The following SINHCAF variants were observed in gnomAD, a reference collection of about 807,000 sequenced individuals.
SINHCAF encodes the protein SIN3-HDAC complex associated factor.
A neutral mutation model predicts 25.8 loss-of-function variants in SINHCAF; 3 were observed. The observed-to-expected ratio is 0.12, with a 90% CI of 0.05 to 0.30. The LOEUF (loss-of-function observed/expected upper bound fraction) is 0.30. SINHCAF is among the 10% of genes least tolerant of loss of function. The pLI is 1.00. For missense variants in SINHCAF, 121 were observed against 262.3 expected, an observed-to-expected ratio of 0.46 and a Z score of 3.72; for synonymous variants, 70 against 85.5, an observed-to-expected ratio of 0.82 and a Z score of 1.00.
At chr12:31,286,617 C>G (rs1367861870) in intron 5 of SINHCAF, among the ~76,000 whole-genome samples, 1 of 147,062 alleles carries the variant, frequency 6.8e-6, no homozygotes, top group African/African-American at 2.5e-5. Context: ...GAGCAGAGAT[C>G]GAGCCATTGC....
At chr12:31,320,937 TTATAA>T (rs1285939389) in intron 1 of SINHCAF, among the ~76,000 whole-genome samples, 2 of 152,174 alleles carry the variant, frequency 1.3e-5, no homozygotes, top group African/African-American at 2.4e-5. Context: ...CAAACCAAAC[TTATAA>T]TAGGTGGAAA....
At chr12:31,293,257 A>AC (rs1043457410) in intron 4 of SINHCAF, among the ~76,000 whole-genome samples, 1 of 151,932 alleles carries the variant, frequency 6.6e-6, no homozygotes, top group South Asian at 2.1e-4. Flanking sequence ...CATTACAGCA[A>AC]CCCCCCAAAA....
chr12:31,323,984 T>A (rs1231216812), intron 1 of SINHCAF: 1 of 455,758 alleles, frequency 2.2e-6, no homozygotes, highest in East Asian at 7.0e-5. Flanking sequence ...CTCCGGTGAC[T>A]GCCGAGAGAG....
chr12:31,307,382 CT>C (rs1417731851), intron 1 of SINHCAF, among the ~76,000 whole-genome samples: 8 of 152,192 alleles, frequency 5.3e-5, no homozygotes, highest in Admixed American at 3.3e-4. Flanking sequence ...ATGGTAAGCC[CT>C]GTCTCTACAA....
At chr12:31,316,010 A>T (rs1939482122) in intron 1 of SINHCAF, among the ~76,000 whole-genome samples, 2 of 152,096 alleles carry the variant, frequency 1.3e-5, no homozygotes, top group African/African-American at 4.8e-5. Flanking sequence ...TACTAAATAT[A>T]AAAAAATTTG....
intron 1 of SINHCAF, 51 bp from the exon 2 acceptor site, chr12:31,298,275 A>T: frequency 1.9e-6 from 3 of 1,601,608 alleles, no homozygotes; most frequent in Non-Finnish European, 2.6e-6. Flanking sequence ...GTAACAAGGA[A>T]CCATTAAAGA....
intron 3 of SINHCAF, 129 bp from the exon 4 acceptor site, chr12:31,294,060 T>G: frequency 1.6e-6 from 1 of 607,230 alleles, no homozygotes; most frequent in Non-Finnish European, 2.7e-6. Context: ...CATGTGCACC[T>G]TTAATCATCA....
At chr12:31,288,515 C>A (rs1938167693) in intron 4 of SINHCAF, among the ~76,000 whole-genome samples, 1 of 152,092 alleles carries the variant, frequency 6.6e-6, no homozygotes, top group African/African-American at 2.4e-5. Context: ...CCACCCTCAC[C>A]AGGTGGTAGC....
At chr12:31,322,413 C>T (rs1235890831) in intron 1 of SINHCAF, among the ~76,000 whole-genome samples, 1 of 152,160 alleles carries the variant, frequency 6.6e-6, no homozygotes, top group Non-Finnish European at 1.5e-5. Flanking sequence ...GAAATAGCTG[C>T]GAAAGGAAAG....
At chr12:31,323,933 C>T (rs994299941) in intron 1 of SINHCAF, 4 of 455,498 alleles carry the variant, frequency 8.8e-6, no homozygotes, top group East Asian at 1.4e-4. Context: ...CCAGGGCCCT[C>T]GGGTCCCCAC....
intron 1 of SINHCAF, among the ~76,000 whole-genome samples, chr12:31,308,825 G>A (rs751566220): frequency 1.4e-4 from 21 of 151,928 alleles, no homozygotes; most frequent in African/African-American, 1.9e-4. Context: ...ACAGAGATCC[G>A]CAACTGAAAA....
chr12:31,295,219 G>T lies in SINHCAF; in HGVS notation c.228+15C>A. On this transcript the variant is annotated intron_variant, in intron 3 of 5. Transcript: ENST00000337682. ...CAGTAGAGGTATAATTGAGAAAAAA[G>T]AAAGATGGACTAACATGATTCCAGT... is the stretch of plus-strand genomic sequence containing the variant. The T allele has an allele frequency of 6.5e-7, 1 of 1,537,736 alleles. No individual in the cohort carries two copies. Among genetic ancestry groups the T allele is most frequent in the Non-Finnish European group, 8.9e-7 (1 of 1,120,716 alleles).
intron 1 of SINHCAF, among the ~76,000 whole-genome samples, chr12:31,307,149 G>C (rs887533275): frequency 6.6e-6 from 1 of 152,138 alleles, no homozygotes; most frequent in Non-Finnish European, 1.5e-5. Context: ...GCACTTTGTG[G>C]TCTGCTAAAT....
intron 5 of SINHCAF, among the ~76,000 whole-genome samples, chr12:31,285,974 C>CA (rs34769347): frequency 0.039 from 2,977 of 77,266 alleles, 75 homozygotes; most frequent in African/African-American, 0.097. Flanking sequence ...AACTCTGTCT[C>CA]AAAAAAAAAA....
chr12:31,301,932 G>A (rs1009455952), intron 1 of SINHCAF, among the ~76,000 whole-genome samples: 11 of 151,950 alleles, frequency 7.2e-5, no homozygotes, highest in Non-Finnish European at 1.5e-4. Context: ...TGCTTTCCTA[G>A]TACCAAATTT....
chr12:31,285,528 C>T (rs1020922530), intron 5 of SINHCAF, among the ~76,000 whole-genome samples: 2 of 151,238 alleles, frequency 1.3e-5, no homozygotes, highest in Non-Finnish European at 2.9e-5. Flanking sequence ...TATTTTACTA[C>T]ATTATTTTAT....
rs1309385863 is a variant in SINHCAF at position 31,295,089 on chromosome 12, T to C, written c.228+145A>G. On this transcript the variant is annotated intron_variant, in intron 3 of 5. Coordinates refer to ENST00000337682, the MANE Select transcript of SINHCAF (RefSeq NM_001135812.2). ...TAAAGATGCCAAAATGTTAGGCCAT[T>C]ATATCTGAACAGCAGCTAGTGTTTT... The C allele has an allele frequency of 5.0e-6, 3 of 600,662 alleles. No homozygotes were observed. In the African/African-American group the frequency reaches 5.7e-5, roughly 11 times the overall value. 37.2% of individuals were successfully genotyped at this position (600,662 alleles called of 1,614,324 possible).
In SINHCAF at chr12:31,325,038, C is replaced by T. The variant is rs1183582590; in HGVS notation, c.-21+986G>A. On this transcript the variant is annotated intron_variant, in intron 1 of 5. Coordinates refer to ENST00000337682, the MANE Select transcript of SINHCAF (RefSeq NM_001135812.2). This position sits in a 1 kb window ranked among gnomAD's most constrained non-coding sequence, Gnocchi z 5.9. ...AGGACCAGGGTCGCAGCCCGAAGCA[C>T]GTGGTCTGTCACGTAGAGCACAAAA... 2.2e-6 allele frequency: 1 copy of T among 456,832 alleles called. No individual in the cohort carries two copies. Among genetic ancestry groups the T allele is most frequent in the Admixed American group, 2.3e-5 (1 of 42,596 alleles). The allele number at this position is 456,832 out of a possible 1,614,324, so 28.3% of individuals were successfully genotyped here.
At chr12:31,305,704 T>TTTTTA (rs1938995881) in intron 1 of SINHCAF, among the ~76,000 whole-genome samples, 1 of 150,764 alleles carries the variant, frequency 6.6e-6, no homozygotes, top group African/African-American at 2.4e-5. Context: ...CAATTTTTTT[T>TTTTTA]TTTTTTTTTT....
Sources: gnomAD v4.1 joint callset for allele counts (sites outside exome capture counted in the v4.1 genomes callset) on GRCh38, gnomAD v4.1.1 for gene constraint, Gnocchi (gnomAD v3.1) non-coding constraint, MANE v1.5 for transcripts, NCBI Gene and HGNC (gene_info 2026-07-23, HGNC 2026-07-21) for gene names.